WFDC11: variants seen among roughly 807,000 people sequenced by gnomAD.
The protein encoded by WFDC11 is WAP four-disulfide core domain 11, also known as protein WFDC11.
WFDC11 carries 9 observed loss-of-function variants against 9.9 expected under a neutral mutation model. That is an observed-to-expected ratio of 0.91 (90% CI 0.55 to 1.58). The LOEUF is 1.58. WFDC11 is among the 40% of genes most tolerant of loss of function. The pLI, the probability that WFDC11 is intolerant of heterozygous loss-of-function variation, is 0.00. For synonymous variants in WFDC11, 32 were observed against 33.3 expected (o/e 0.96, Z 0.13); for missense variants, 106 against 101.7 (o/e 1.04, Z -0.18).
intron 3 of WFDC11, 120 bp downstream of exon 3, chr20:45,650,381 G>A: frequency 1.4e-6 from 1 of 718,420 alleles, no homozygotes; most frequent in Non-Finnish European, 2.4e-6. Context: ...GTCATTCTCT[G>A]ATGGGTGATA....
At chr20:45,654,208 G>A (rs1982871316) in intron 2 of WFDC11, among the ~76,000 whole-genome samples, 1 of 152,164 alleles carries the variant, frequency 6.6e-6, no homozygotes, top group Non-Finnish European at 1.5e-5. Flanking sequence ...AAATGTAAAA[G>A]AACAGAAATT....
At chr20:45,648,798 A>G (rs1439322919) in intron 4 of WFDC11, 59 bp from the exon 5 acceptor site, 6 of 1,540,636 alleles carry the variant, frequency 3.9e-6, no homozygotes, top group South Asian at 1.1e-5. Flanking sequence ...ACAAGCATTC[A>G]TTCCCCCTGC....
intron 2 of WFDC11, among the ~76,000 whole-genome samples, chr20:45,656,090 G>A (rs1982924552): frequency 6.6e-6 from 1 of 151,920 alleles, no homozygotes; most frequent in African/African-American, 2.4e-5. Flanking sequence ...CTACTTTAAA[G>A]TTCATATGGA....
chr20:45,650,238 G>GTA (rs373093139), intron 3 of WFDC11, among the ~76,000 whole-genome samples: 2,665 of 149,914 alleles, frequency 0.018, 33 homozygotes, highest in East Asian at 0.051. Flanking sequence ...ACATGTGTTT[G>GTA]TATATATATA....
rs574421999 is a variant in WFDC11, at chr20:45,651,733, G to A, written c.-51-1082C>T. Among the ~76,000 whole-genome samples, 167 of 148,992 alleles carry A rather than the reference G, an allele frequency of 1.1e-3. 2 individuals are homozygous for A. The highest frequency in any genetic ancestry group is 4.0e-3 in the African/African-American group (153 of 38,364). On this transcript the variant is annotated intron_variant, in intron 2 of 4. Coordinates refer to ENST00000324384, the MANE Select transcript of WFDC11 (RefSeq NM_147197.2). ...GGCACCTGGAAAATCGGGTCACTCC[G>A]ACCCTAATACTGCGCTTTTCCAACA...
At chr20:45,650,366 A>G in intron 3 of WFDC11, 135 bp downstream of exon 3, 1 of 661,058 alleles carries the variant, frequency 1.5e-6, no homozygotes, top group Non-Finnish European at 2.6e-6. Flanking sequence ...TGTGCATACA[A>G]AATTGTCATT....
chr20:45,667,331 T>G (rs1330522557), intron 1 of WFDC11, among the ~76,000 whole-genome samples, 162 bp from the exon 2 acceptor site: 1 of 152,220 alleles, frequency 6.6e-6, no homozygotes, highest in South Asian at 2.1e-4. Flanking sequence ...TTCTTTTTGC[T>G]GCAGGCAATA....
intron 3 of WFDC11, among the ~76,000 whole-genome samples, 181 bp downstream of exon 3, chr20:45,650,320 A>G (rs1982778032): frequency 6.6e-6 from 1 of 152,206 alleles, no homozygotes; most frequent in South Asian, 2.1e-4. Context: ...AAGAGGAAGC[A>G]TTGAAGGACC....
At chr20:45,665,141 T>C (rs749994156) in intron 2 of WFDC11, among the ~76,000 whole-genome samples, 36 of 152,218 alleles carry the variant, frequency 2.4e-4, no homozygotes, top group Non-Finnish European at 8.8e-5. Flanking sequence ...TCTAACCTTG[T>C]CTTTTCACTT....
chr20:45,656,171 T>C (rs762829867), intron 2 of WFDC11, among the ~76,000 whole-genome samples: 4 of 152,082 alleles, frequency 2.6e-5, no homozygotes, highest in Non-Finnish European at 5.9e-5. Flanking sequence ...TCACGTTACC[T>C]GACTTCAAAT....
chr20:45,669,148 C>A (rs1983245119), intron 1 of WFDC11, among the ~76,000 whole-genome samples: 1 of 152,150 alleles, frequency 6.6e-6, no homozygotes, highest in African/African-American at 2.4e-5. Context: ...ACAGGCCTTA[C>A]ACTCATCCGA....
chr20:45,656,879 TG>T (rs1247188245), intron 2 of WFDC11, among the ~76,000 whole-genome samples: 1 of 152,152 alleles, frequency 6.6e-6, no homozygotes, highest in Non-Finnish European at 1.5e-5. Context: ...AAAACCACAA[TG>T]GGATACCATC....
At chr20:45,662,379 C>T (rs149518402) in intron 2 of WFDC11, among the ~76,000 whole-genome samples, 3,823 of 152,230 alleles carry the variant, frequency 0.025, 135 homozygotes, top group African/African-American at 0.083. Flanking sequence ...GACAATTTGA[C>T]TTCGTCTTTT....
intron 2 of WFDC11, among the ~76,000 whole-genome samples, chr20:45,651,472 A>T (rs1339440512): frequency 6.6e-6 from 1 of 152,018 alleles, no homozygotes; most frequent in Non-Finnish European, 1.5e-5. Context: ...CATGAAAATG[A>T]ACATTTAGGG....
intron 2 of WFDC11, among the ~76,000 whole-genome samples, chr20:45,660,660 G>A (rs555085311): frequency 1.1e-4 from 17 of 152,144 alleles, no homozygotes; most frequent in African/African-American, 2.2e-4. Context: ...GTGAGAATAC[G>A]CGGTGTTTGG....
chr20:45,666,279 A>T (rs781545669), intron 2 of WFDC11, among the ~76,000 whole-genome samples: 6 of 152,344 alleles, frequency 3.9e-5, no homozygotes, highest in Non-Finnish European at 7.4e-5. Flanking sequence ...ACCTTGGGAA[A>T]AGCACAGTAT....
At chr20:45,663,019 G>A (rs996097327) in intron 2 of WFDC11, among the ~76,000 whole-genome samples, 1 of 152,250 alleles carries the variant, frequency 6.6e-6, no homozygotes, top group South Asian at 2.1e-4. Context: ...TTGTACCTCT[G>A]GTAGAATTCG....
At chr20:45,651,105 C>T (rs1217676902) in intron 2 of WFDC11, among the ~76,000 whole-genome samples, 1 of 152,152 alleles carries the variant, frequency 6.6e-6, no homozygotes, top group East Asian at 1.9e-4. Context: ...GTTGGTTGTT[C>T]CTTCTTTGTA....
chr20:45,653,938 T>C (rs1000827973), intron 2 of WFDC11, among the ~76,000 whole-genome samples: 10 of 152,198 alleles, frequency 6.6e-5, no homozygotes, highest in Non-Finnish European at 1.2e-4. Flanking sequence ...AAGCAAGTCC[T>C]GAGTGACCTA....
Sources: allele counts gnomAD v4.1 joint callset (sites outside exome capture counted in the v4.1 genomes callset), GRCh38; gene constraint gnomAD v4.1.1; transcripts MANE v1.5; gene names NCBI Gene and HGNC (gene_info 2026-07-23, HGNC 2026-07-21).